PLXNA4: variants seen among roughly 807,000 people sequenced by gnomAD.
The protein encoded by PLXNA4 is plexin A4.
In PLXNA4, 44 loss-of-function variants were observed where a neutral mutation model predicts 191.8. The ratio of observed to expected loss-of-function variants is 0.23; its 90% CI spans 0.18 to 0.29. PLXNA4 has a LOEUF of 0.29. Ranked by LOEUF, PLXNA4 falls within the 10% of genes least tolerant of loss-of-function variation. PLXNA4 has a pLI of 1.00. For synonymous variants in PLXNA4, 1,082 were observed against 1,009.5 expected (o/e 1.07, Z -1.36); for missense variants, 1,800 against 2,488.8 (o/e 0.72, Z 5.89).
intron 27 of PLXNA4, 74 bp downstream of exon 27, chr7:132,147,826 C>T: frequency 6.3e-7 from 1 of 1,599,500 alleles, no homozygotes; most frequent in South Asian, 1.1e-5. Flanking sequence ...CTCCTGCCTT[C>T]TGGCTATGCT....
intron 2 of PLXNA4, among the ~76,000 whole-genome samples, chr7:132,495,173 T>G (rs1165884988): frequency 1.3e-5 from 2 of 152,208 alleles, no homozygotes; most frequent in African/African-American, 4.8e-5. Context: ...GAGTCCTGAT[T>G]GCACCTCCTC....
At chr7:132,456,089 C>T (rs116989802) in intron 3 of PLXNA4, among the ~76,000 whole-genome samples, 1 of 151,336 alleles carries the variant, frequency 6.6e-6, no homozygotes, top group Non-Finnish European at 1.5e-5. Context: ...GTTTGGGGGT[C>T]CCTCTTCGCA....
chr7:132,390,553 C>T (rs1308926481), intron 3 of PLXNA4, among the ~76,000 whole-genome samples: 1 of 152,152 alleles, frequency 6.6e-6, no homozygotes, highest in South Asian at 2.1e-4. Flanking sequence ...TACCCCAGAA[C>T]TTAAAGTATA....
intron 3 of PLXNA4, among the ~76,000 whole-genome samples, chr7:132,480,182 T>G (rs570887730): frequency 6.6e-6 from 1 of 152,138 alleles, no homozygotes; most frequent in East Asian, 1.9e-4. Context: ...AAGTTAAAAG[T>G]ACAATACTAC....
At chr7:132,341,366 T>A (rs903764541) in intron 3 of PLXNA4, among the ~76,000 whole-genome samples, 1 of 152,198 alleles carries the variant, frequency 6.6e-6, no homozygotes, top group African/African-American at 2.4e-5. Context: ...GGCCGGCAAT[T>A]AACTATGACA....
At chr7:132,182,266 G>T in intron 16 of PLXNA4, 76 bp from the exon 17 acceptor site, 1 of 1,576,964 alleles carries the variant, frequency 6.3e-7, no homozygotes, top group Non-Finnish European at 8.6e-7. Flanking sequence ...TGATGACTGA[G>T]CTATGACAAT....
chr7:132,323,864 G>T (rs547609832), intron 3 of PLXNA4, among the ~76,000 whole-genome samples: 1 of 152,068 alleles, frequency 6.6e-6, no homozygotes, highest in South Asian at 2.1e-4. Flanking sequence ...CAGCTTCCTC[G>T]TCTGGAAGTG....
chr7:132,166,104 G>A (rs1370405577), intron 22 of PLXNA4, among the ~76,000 whole-genome samples: 1 of 152,012 alleles, frequency 6.6e-6, no homozygotes, highest in African/African-American at 2.4e-5. Flanking sequence ...GGCTGAGGCA[G>A]GAGAATCGCT....
rs571838279 is a variant in PLXNA4 at position 132,389,474 on chromosome 7, C to T, written c.1372-91252G>A. 1.9e-4 allele frequency among the ~76,000 whole-genome samples: 29 copies of T among 152,262 alleles called. No homozygotes were observed. In the South Asian group the frequency reaches 6.0e-3, roughly 32 times the overall value. The stretch of plus-strand genomic sequence containing the variant: ...GTGTAAGGAAGGGATCTAGTTTCAG[C>T]TTTCTGCATATGGCTAGCCAGTTTT... On this transcript the variant is annotated intron_variant, in intron 3 of 31. Coordinates refer to ENST00000321063, the MANE Select transcript of PLXNA4 (RefSeq NM_020911.2).
At chr7:132,522,998 C>T (rs1799249945) in intron 1 of PLXNA4, among the ~76,000 whole-genome samples, 3 of 152,072 alleles carry the variant, frequency 2.0e-5, no homozygotes, top group East Asian at 1.9e-4. Flanking sequence ...GGCAAGCTCT[C>T]GGGGGCCAAG....
chr7:132,202,225 C>A (rs1182319332), intron 12 of PLXNA4, among the ~76,000 whole-genome samples: 4 of 152,152 alleles, frequency 2.6e-5, no homozygotes, highest in African/African-American at 7.2e-5. Context: ...TCTGTTGTGA[C>A]CTTCTTCACC....
chr7:132,220,345 T>C (rs899163717), intron 9 of PLXNA4, among the ~76,000 whole-genome samples: 5 of 152,174 alleles, frequency 3.3e-5, no homozygotes, highest in African/African-American at 4.8e-5. Context: ...GGCCCTGGGA[T>C]TGAGCTGGGT....
At chr7:132,473,665 G>C (rs533200275) in intron 3 of PLXNA4, among the ~76,000 whole-genome samples, 2 of 152,048 alleles carry the variant, frequency 1.3e-5, no homozygotes, top group Non-Finnish European at 2.9e-5. Flanking sequence ...ATATTGTCAC[G>C]TTAAAAAGGC....
chr7:132,148,151 G>T, intron 26 of PLXNA4, 152 bp from the exon 27 acceptor site: 1 of 1,202,848 alleles, frequency 8.3e-7, no homozygotes. Context: ...CCTTGGAGCA[G>T]AACAAGACAC....
intron 25 of PLXNA4, among the ~76,000 whole-genome samples, chr7:132,152,460 G>A (rs1302059236): frequency 6.6e-6 from 1 of 152,178 alleles, no homozygotes; most frequent in African/African-American, 2.4e-5. Flanking sequence ...TATTCAGTGT[G>A]TGCTTAGTTT....
At chr7:132,251,403 CAAG>C (rs889763226) in intron 4 of PLXNA4, among the ~76,000 whole-genome samples, 17 of 152,188 alleles carry the variant, frequency 1.1e-4, no homozygotes, top group Non-Finnish European at 2.2e-4. Flanking sequence ...TTTCTGCAGC[CAAG>C]AAGAAGGCGG....
At chr7:132,182,269 A>G (rs1796734324) in intron 16 of PLXNA4, 79 bp from the exon 17 acceptor site, 2 of 1,573,284 alleles carry the variant, frequency 1.3e-6, no homozygotes, top group East Asian at 2.3e-5. Context: ...TGACTGAGCT[A>G]TGACAATAAG....
At chr7:132,598,474 C>T (rs915670512) in intron 2 of PLXNA4, among the ~76,000 whole-genome samples, 4 of 152,158 alleles carry the variant, frequency 2.6e-5, no homozygotes, top group African/African-American at 9.7e-5. Flanking sequence ...CATTATTCAA[C>T]CTCCACATTT....
At chr7:132,175,383 A>G (rs1432124132) in intron 20 of PLXNA4, among the ~76,000 whole-genome samples, 1 of 152,208 alleles carries the variant, frequency 6.6e-6, no homozygotes, top group Non-Finnish European at 1.5e-5. Flanking sequence ...AGAAAAACTG[A>G]TAAAGGAAAA....
Sources: allele counts gnomAD v4.1 joint callset (sites outside exome capture counted in the v4.1 genomes callset), GRCh38; gene constraint gnomAD v4.1.1; transcripts MANE v1.5; gene names NCBI Gene and HGNC (gene_info 2026-07-23, HGNC 2026-07-21).